Variants in CHEK2 observed in about 807,000 individuals in gnomAD.
The protein encoded by CHEK2 is serine/threonine-protein kinase Chk2.
In CHEK2, 71 loss-of-function variants were observed where a neutral mutation model predicts 69.1. The observed-to-expected ratio is 1.03, with a 90% confidence interval of 0.85 to 1.25. The LOEUF (loss-of-function observed/expected upper bound fraction) is 1.25, where lower values mean the gene tolerates loss of function less well. Among genes scored for constraint, CHEK2 ranks in the 50% most tolerant of loss-of-function variants. CHEK2 has a pLI of 0.00. For synonymous variants in CHEK2, 189 were observed against 226.9 expected (o/e 0.83, Z 1.50); for missense variants, 664 against 649.6 (o/e 1.02, Z -0.24).
intron 11 of CHEK2, among the ~76,000 whole-genome samples, 180 bp from the exon 12 acceptor site, chr22:28,695,422 C>T (rs2052534662): frequency 6.6e-6 from 1 of 152,042 alleles, no homozygotes; most frequent in South Asian, 2.1e-4. Context: ...TTTGGGAGGC[C>T]GAGGCAGGAG....
chr22:28,722,241 G>A (rs1320621028), intron 4 of CHEK2, among the ~76,000 whole-genome samples: 1 of 151,914 alleles, frequency 6.6e-6, no homozygotes, highest in African/African-American at 2.4e-5. Flanking sequence ...ATAACTGTCA[G>A]ATAGAAAACA....
chr22:28,723,142 T>A (rs1183188964), intron 4 of CHEK2, among the ~76,000 whole-genome samples: 1 of 152,232 alleles, frequency 6.6e-6, no homozygotes, highest in Non-Finnish European at 1.5e-5. Context: ...TCATTTTAGA[T>A]GTTATTTTCA....
intron 7 of CHEK2, among the ~76,000 whole-genome samples, chr22:28,706,578 G>T (rs1601764108): frequency 6.6e-6 from 1 of 152,144 alleles, no homozygotes; most frequent in East Asian, 1.9e-4. Context: ...CAAAGTGCTG[G>T]GATTATAGGC....
chr22:28,699,946 C>T lies in CHEK2; in HGVS notation c.909-9G>A, dbSNP rs2145845472. 1 of 1,607,780 alleles carries T rather than the reference C, an allele frequency of 6.2e-7. No individual in the cohort carries two copies. The highest frequency in any genetic ancestry group is 1.7e-4 in the Middle Eastern group (1 of 6,038). The stretch of plus-strand genomic sequence containing the variant: ...GCTCTCCCCCTTCCATCCTGAAACA[C>T]AAAGGCAAGGCAAGGGGTTCATTCC... On this transcript the variant is annotated splice_polypyrimidine_tract_variant and intron_variant, in intron 8 of 14. Coordinates refer to ENST00000404276, the MANE Select transcript of CHEK2 (RefSeq NM_007194.4).
chr22:28,692,763 T>G (rs2052414492), intron 13 of CHEK2, among the ~76,000 whole-genome samples: 1 of 152,206 alleles, frequency 6.6e-6, no homozygotes, highest in African/African-American at 2.4e-5. Context: ...AAATCTCATC[T>G]CAAATTGTAA....
intron 13 of CHEK2, among the ~76,000 whole-genome samples, chr22:28,693,227 C>T (rs562646824): frequency 6.6e-6 from 1 of 152,284 alleles, no homozygotes; most frequent in South Asian, 2.1e-4. Flanking sequence ...CCAGCAAAGC[C>T]ACAACATACT....
At chr22:28,734,164 A>C (rs746767017) in intron 2 of CHEK2, among the ~76,000 whole-genome samples, 1 of 152,132 alleles carries the variant, frequency 6.6e-6, no homozygotes, top group Non-Finnish European at 1.5e-5. Flanking sequence ...ACTTTGCTAC[A>C]AGGGCTCTGC....
At chr22:28,722,560 G>C (rs6005847) in intron 4 of CHEK2, among the ~76,000 whole-genome samples, 1 of 129,084 alleles carries the variant, frequency 7.7e-6, no homozygotes, top group Non-Finnish European at 1.6e-5. Flanking sequence ...AAAAAAAAAA[G>C]AAAAGAAAAG....
chr22:28,722,662 G>C, intron 4 of CHEK2, among the ~76,000 whole-genome samples: 1 of 151,664 alleles, frequency 6.6e-6, no homozygotes, highest in Non-Finnish European at 1.5e-5. Flanking sequence ...ATAGTTCCAA[G>C]ATACCAGACT....
chr22:28,713,736 A>G (rs1403134432), intron 5 of CHEK2, among the ~76,000 whole-genome samples: 1 of 151,756 alleles, frequency 6.6e-6, no homozygotes, highest in East Asian at 1.9e-4. Context: ...GCTGGAGTGC[A>G]GTGGCACAAT....
At chr22:28,731,927 T>C (rs1357561948) in intron 2 of CHEK2, among the ~76,000 whole-genome samples, 1 of 152,000 alleles carries the variant, frequency 6.6e-6, no homozygotes, top group African/African-American at 2.4e-5. Context: ...TCTGAAAAAA[T>C]ATATTGTATT....
intron 7 of CHEK2, 149 bp from the exon 8 acceptor site, chr22:28,703,715 A>G: frequency 3.1e-6 from 2 of 646,138 alleles, no homozygotes; most frequent in Non-Finnish European, 5.6e-6. Flanking sequence ...CAATCAGGGG[A>G]GAAGGCAGAC....
At chr22:28,725,607 T>C (rs17883829) in intron 2 of CHEK2, among the ~76,000 whole-genome samples, 9 of 152,192 alleles carry the variant, frequency 5.9e-5, no homozygotes, top group Middle Eastern at 3.2e-3. Context: ...ACACCTGTAA[T>C]CTCAGCCCTT....
At position 28,734,671 on chromosome 22, in the gene CHEK2, G is replaced by A. The variant is rs1601853973; in HGVS notation, c.51C>T (p.Ala17=). The change falls in exon 2 of 15, where the codon GCC becomes GCT. Residue 17 remains alanine (A), a synonymous_variant. Transcript: ENST00000404276. ...TAACGCTGCCATGGGGCTGTGAACAGGCACTGCTGCCATGAGACTGCTGAG... is the reference window on the plus strand; with the variant it reads ...TAACGCTGCCATGGGGCTGTGAACAAGCACTGCTGCCATGAGACTGCTGAG... ...VEAQQSHGSS[A]CSQPHGSVTQ... The A allele has an allele frequency of 6.2e-7, 1 of 1,613,914 alleles. No homozygotes were observed. Among genetic ancestry groups the A allele is most frequent in the South Asian group, 1.1e-5 (1 of 91,058 alleles).
intron 13 of CHEK2, among the ~76,000 whole-genome samples, chr22:28,692,302 T>A (rs2052396446): frequency 6.6e-6 from 1 of 151,192 alleles, no homozygotes; most frequent in Non-Finnish European, 1.5e-5. Flanking sequence ...CTCTTTTTCA[T>A]CAAAATTAAA....
At chr22:28,712,124 AGCCTTTCC>A in intron 5 of CHEK2, 107 bp from the exon 6 acceptor site, 3 of 820,128 alleles carry the variant, frequency 3.7e-6, no homozygotes, top group Non-Finnish European at 4.2e-6. Context: ...TCCATATAAC[AGCCTTTCC>A]ATTGTCCCTG....
At chr22:28,688,136 T>A in intron 14 of CHEK2, 150 bp from the exon 15 acceptor site, 1 of 676,056 alleles carries the variant, frequency 1.5e-6, no homozygotes, top group Non-Finnish European at 2.6e-6. Flanking sequence ...CATTGACAAC[T>A]GAGTCCTCAC....
chr22:28,707,759 C>T (rs1017236853), intron 7 of CHEK2, among the ~76,000 whole-genome samples: 7 of 151,360 alleles, frequency 4.6e-5, no homozygotes, highest in Non-Finnish European at 7.4e-5. Flanking sequence ...CACTGGACAC[C>T]GGATTTGTAC....
chr22:28,731,913 C>A (rs901809037), intron 2 of CHEK2, among the ~76,000 whole-genome samples: 1 of 151,878 alleles, frequency 6.6e-6, no homozygotes, highest in East Asian at 1.9e-4. Context: ...AACCTATAGG[C>A]CTATCTGAAA....
Sources: gnomAD v4.1 joint callset for allele counts (sites outside exome capture counted in the v4.1 genomes callset) on GRCh38, gnomAD v4.1.1 for gene constraint, MANE v1.5 for transcripts, NCBI Gene and HGNC (gene_info 2026-07-23, HGNC 2026-07-21) for gene names.